Variants in PLA2R1 observed in about 807,000 individuals in gnomAD.
PLA2R1 encodes the protein secretory phospholipase A2 receptor.
A neutral mutation model predicts 195.9 loss-of-function variants in PLA2R1; 158 were observed. The observed-to-expected ratio is 0.81, with a 90% CI of 0.71 to 0.92. The LOEUF is 0.92. PLA2R1 is among the 40% of genes least tolerant of loss of function. The pLI is 0.00. For missense variants in PLA2R1, 1,626 were observed against 1,764.6 expected (o/e 0.92, Z 1.41); for synonymous variants, 586 against 598.2 (o/e 0.98, Z 0.30).
chr2:160,022,545 A>C, intron 7 of PLA2R1, 120 bp downstream of exon 7: 1 of 503,252 alleles, frequency 2.0e-6, no homozygotes, highest in Non-Finnish European at 3.4e-6. Flanking sequence ...TAGAAACTTT[A>C]AATATATGTG....
chr2:160,020,860 T>C (rs1693061285), intron 7 of PLA2R1, among the ~76,000 whole-genome samples: 3 of 152,206 alleles, frequency 2.0e-5, no homozygotes, highest in Admixed American at 2.0e-4. Context: ...ATCCCCATAA[T>C]ATCCAGATCT....
At chr2:159,972,332 A>C (rs1689244883) in intron 17 of PLA2R1, among the ~76,000 whole-genome samples, 1 of 152,238 alleles carries the variant, frequency 6.6e-6, no homozygotes, top group Non-Finnish European at 1.5e-5. Flanking sequence ...TAGAAGACTT[A>C]TTAACATGTG....
chr2:159,946,731 AG>A, intron 27 of PLA2R1, 69 bp downstream of exon 27: 1 of 1,483,688 alleles, frequency 6.7e-7, no homozygotes, highest in Non-Finnish European at 8.9e-7. Context: ...TCTGGCTCAC[AG>A]ATGCCATTAT....
At chr2:159,929,145 A>G (rs1686537383), downstream of PLA2R1, among the ~76,000 whole-genome samples, 1 of 152,210 alleles carries the variant, frequency 6.6e-6, no homozygotes, top group South Asian at 2.1e-4. Flanking sequence ...AACAAAGATA[A>G]ATAGACAAGA....
chr2:160,022,771 T>C lies in PLA2R1; in HGVS notation c.1188A>G (p.Glu396=). 1 of 1,613,748 alleles carries C rather than the reference T, an allele frequency of 6.2e-7. No individual in the cohort carries two copies. The highest frequency in any genetic ancestry group is 8.5e-7 in the Non-Finnish European group (1 of 1,179,590). Reference sequence around the variant, plus strand: ...AACGCAGAGCCTCATGCCAGGTCTTTTCTTCTTTCTGAAGTTTGTAGCAAT... The same window carrying C: ...AACGCAGAGCCTCATGCCAGGTCTTCTCTTCTTTCTGAAGTTTGTAGCAAT... ...NRNCYKLQKE[E]KTWHEALRSC... The change falls in exon 7 of 30, where the codon GAA becomes GAG. Residue 396 remains glutamate, a synonymous_variant. Coordinates refer to ENST00000283243, the MANE Select transcript of PLA2R1 (RefSeq NM_007366.5).
chr2:160,015,851 G>T (rs115628295), intron 9 of PLA2R1, among the ~76,000 whole-genome samples: 1 of 152,212 alleles, frequency 6.6e-6, no homozygotes, highest in African/African-American at 2.4e-5. Context: ...GATTAGAAGA[G>T]AAAATAATTA....
At chr2:160,047,624 A>T (rs1277272945) in intron 1 of PLA2R1, among the ~76,000 whole-genome samples, 2 of 152,212 alleles carry the variant, frequency 1.3e-5, no homozygotes, top group Non-Finnish European at 2.9e-5. Flanking sequence ...CCTTTGTTCA[A>T]ATATGTGTGC....
chr2:159,989,597 T>C (rs1304217547), intron 11 of PLA2R1, among the ~76,000 whole-genome samples: 3 of 152,202 alleles, frequency 2.0e-5, no homozygotes, highest in Admixed American at 6.5e-5. Context: ...TTAACCACAA[T>C]AGGCCTTGTC....
At chr2:160,007,399 T>A (rs969530553) in intron 10 of PLA2R1, among the ~76,000 whole-genome samples, 1 of 152,150 alleles carries the variant, frequency 6.6e-6, no homozygotes, top group African/African-American at 2.4e-5. Context: ...GCCCAAATGT[T>A]GCATTTCCCA....
In PLA2R1 at chr2:159,955,254, C is replaced by A. The variant is rs1346423049; in HGVS notation, c.3246G>T (p.Trp1082Cys). 43 of 1,610,306 alleles carry A rather than the reference C, an allele frequency of 2.7e-5. No homozygotes were observed. Among genetic ancestry groups the A allele is most frequent in the Non-Finnish European group, 3.5e-5 (41 of 1,177,070 alleles). The stretch of plus-strand genomic sequence containing the variant: ...CTTCCTTTCCACAGTCTTCAAAATA[C>A]CATTTTCCAGTGAAATGAAAATTAG... ...SNPNFHFTGK[W>C]YFEDCGKEGY... Residue 1082 changes from tryptophan (W) to cysteine (C), a missense_variant, in exon 23 of 30, where the codon TGG becomes TGT. Coordinates refer to ENST00000283243, the MANE Select transcript of PLA2R1 (RefSeq NM_007366.5).
At chr2:160,005,441 A>C (rs571026733) in intron 11 of PLA2R1, among the ~76,000 whole-genome samples, 1 of 135,926 alleles carries the variant, frequency 7.4e-6, no homozygotes, top group African/African-American at 3.0e-5. Context: ...TCTCAAAACA[A>C]ACAAACAAAC....
chr2:159,956,517 C>T lies in PLA2R1; in HGVS notation c.3015G>A (p.Val1005=), dbSNP rs928290276. The T allele has an allele frequency of 5.7e-6, 9 of 1,587,464 alleles. No homozygotes were observed. Among genetic ancestry groups the T allele is most frequent in the Non-Finnish European group, 7.8e-6 (9 of 1,155,808 alleles). The change falls in exon 21 of 30, where the codon GTG becomes GTA. Residue 1005 remains valine, a synonymous_variant. Transcript: ENST00000283243. ...GGATCTTGAGTACTCTACCTTGCTC[C>T]ACCTCACTTTCAATGGCGACCAGGG... is the stretch of plus-strand genomic sequence containing the variant. ...GGTLVAIESE[V]EQAFITMNLF... is the part of the protein sequence containing the mutation.
intron 4 of PLA2R1, among the ~76,000 whole-genome samples, chr2:160,032,392 A>G (rs1161002232): frequency 6.6e-6 from 1 of 152,256 alleles, no homozygotes; most frequent in Non-Finnish European, 1.5e-5. Context: ...AGAAGAAGTA[A>G]GAGGAGAGTT....
At chr2:159,981,395 C>G (rs1424278267) in intron 13 of PLA2R1, among the ~76,000 whole-genome samples, 1 of 152,064 alleles carries the variant, frequency 6.6e-6, no homozygotes, top group Admixed American at 6.6e-5. Context: ...TAAACTGAAA[C>G]ATACACAGTT....
chr2:160,003,922 T>C (rs909459254), intron 11 of PLA2R1, among the ~76,000 whole-genome samples: 1 of 152,210 alleles, frequency 6.6e-6, no homozygotes, highest in Admixed American at 6.5e-5. Flanking sequence ...TAAATATTGA[T>C]GTGGAAAGTT....
chr2:159,955,932 A>G, intron 21 of PLA2R1, 104 bp from the exon 22 acceptor site: 1 of 614,038 alleles, frequency 1.6e-6, no homozygotes, highest in Non-Finnish European at 2.8e-6. Context: ...CCAGCAAAAC[A>G]TAATTATGAA....
chr2:159,956,647 CA>C lies in PLA2R1; in HGVS notation c.2905-21del. 1 of 1,340,898 alleles carries C rather than the reference CA, an allele frequency of 7.5e-7. No individual in the cohort carries two copies. Among genetic ancestry groups the C allele is most frequent in the Non-Finnish European group, 1.1e-6 (1 of 930,740 alleles). 83.1% of individuals were successfully genotyped at this position (1,340,898 alleles called of 1,614,324 possible). A position where few individuals can be genotyped will look rare whatever the true frequency, so the allele number is the denominator to read the frequency against. On this transcript the variant is annotated intron_variant, in intron 20 of 29. Coordinates refer to ENST00000283243, the MANE Select transcript of PLA2R1 (RefSeq NM_007366.5). Reference sequence around the variant, plus strand: ...AAGGCACTATCAAAAAATGTCAAAACAAAACATTCATTTCTGTATCTTTCTA... The same window carrying C: ...AAGGCACTATCAAAAAATGTCAAAACAAACATTCATTTCTGTATCTTTCTA...
In PLA2R1 at chr2:159,967,621, T is replaced by C. The variant is rs1236433513; in HGVS notation, c.2822A>G (p.Lys941Arg). Residue 941 changes from lysine (K) to arginine (R), a missense_variant, in exon 20 of 30, where the codon AAG (lysine) becomes AGG (arginine). Transcript: ENST00000283243. ...TTTCTTTTTCTCTATGAGCCAAACC[T>C]TTTTTCGCTTACAGATACTAGGCAT... is the stretch of plus-strand genomic sequence containing the variant. Reference protein sequence around the residue: ...VSMPSICKRKKVWLIEKKKDT... With the variant: ...VSMPSICKRKRVWLIEKKKDT... 6.2e-7 allele frequency: 1 copy of C among 1,612,506 alleles called. No homozygotes were observed. The highest frequency in any genetic ancestry group is 8.5e-7 in the Non-Finnish European group (1 of 1,178,654).
chr2:159,988,046 T>C (rs956152306), intron 11 of PLA2R1, among the ~76,000 whole-genome samples: 2 of 152,168 alleles, frequency 1.3e-5, no homozygotes, highest in Admixed American at 6.5e-5. Flanking sequence ...CACTTTTTTC[T>C]TTGTGTATGC....
Sources: gnomAD v4.1 joint callset for allele counts (sites outside exome capture counted in the v4.1 genomes callset) on GRCh38, gnomAD v4.1.1 for gene constraint, MANE v1.5 for transcripts, NCBI Gene and HGNC (gene_info 2026-07-23, HGNC 2026-07-21) for gene names.